RTL9: variants seen among roughly 807,000 people sequenced by gnomAD.
RTL9 encodes the protein retrotransposon Gag-like protein 9.
RTL9 carries 19 observed loss-of-function variants against 44.7 expected under a neutral mutation model. The observed-to-expected ratio is 0.42, with a 90% CI of 0.30 to 0.62. The LOEUF is 0.62. Among genes scored for constraint, RTL9 ranks in the 20% least tolerant of loss-of-function variants. The probability of loss-of-function intolerance (pLI) is 0.16; values close to 1 mark genes in which losing one functional copy is unlikely to be tolerated. For synonymous variants in RTL9, 407 were observed against 398.9 expected, an observed-to-expected ratio of 1.02 and a Z score of -0.24; for missense variants, 1,105 against 1,080.6, an observed-to-expected ratio of 1.02 and a Z score of -0.32.
At chrX:110,375,037 T>A in intron 1 of RTL9, among the ~76,000 whole-genome samples, 1 of 111,655 alleles carries the variant, frequency 9.0e-6, no homozygotes, top group Non-Finnish European at 1.9e-5. Context: ...AGGCCCCTAG[T>A]TCTCCTGTTT....
Position 110,451,657 on chromosome X carries a change from C to A in RTL9, c.1040C>A (p.Ser347Tyr), listed in dbSNP as rs746923818. 2.3e-5 allele frequency: 28 copies of A among 1,210,092 alleles called. 1 individual carries two copies. The South Asian group carries it at 4.9e-4, about 21-fold the overall frequency. The change falls in exon 1 of 2, where the codon TCC becomes TAC. Residue 347 changes from serine to tyrosine, a missense_variant. Transcript: ENST00000540313. ...CCAGCTCCAGATGCTGAAGCAATGTCCCCAGCACTAATGACGGCCCTACCC... is the reference window on the plus strand; with the variant it reads ...CCAGCTCCAGATGCTGAAGCAATGTACCCAGCACTAATGACGGCCCTACCC...
intron 1 of RTL9, among the ~76,000 whole-genome samples, chrX:110,359,774 T>C (rs1307857014): frequency 8.9e-6 from 1 of 111,753 alleles, no homozygotes; most frequent in Non-Finnish European, 1.9e-5. Context: ...AAAAGTTAAA[T>C]AGCAGCACAT....
chrX:110,427,072 C>T (rs2148327432), intron 1 of RTL9, among the ~76,000 whole-genome samples: 1 of 112,153 alleles, frequency 8.9e-6, no homozygotes, highest in South Asian at 3.8e-4. Flanking sequence ...AGTATATTTC[C>T]TAAGCATTCC....
At chrX:110,420,629 T>A (rs1439774512) in intron 1 of RTL9, among the ~76,000 whole-genome samples, 2 of 111,927 alleles carry the variant, frequency 1.8e-5, no homozygotes, top group Non-Finnish European at 3.8e-5. Context: ...CCATCTCAAA[T>A]CCTTTGCAGA....
At chrX:110,409,262 G>C in intron 1 of RTL9, among the ~76,000 whole-genome samples, 1 of 110,896 alleles carries the variant, frequency 9.0e-6, no homozygotes, top group Non-Finnish European at 1.9e-5. Context: ...AGAAACCATA[G>C]TTCAGAGTTT....
intron 1 of RTL9, among the ~76,000 whole-genome samples, chrX:110,433,311 A>G (rs1307623710): frequency 2.7e-5 from 3 of 111,768 alleles, no homozygotes; most frequent in African/African-American, 9.8e-5. Flanking sequence ...TGGGGAAACA[A>G]CTCTTAGATA....
At chrX:110,395,841 G>A (rs1451785646) in intron 1 of RTL9, among the ~76,000 whole-genome samples, 1 of 110,725 alleles carries the variant, frequency 9.0e-6, no homozygotes, top group Non-Finnish European at 1.9e-5. Context: ...CAACATGGAG[G>A]GCTCCAGGCC....
At chrX:110,397,438 T>C (rs1453220569) in intron 1 of RTL9, among the ~76,000 whole-genome samples, 1 of 109,470 alleles carries the variant, frequency 9.1e-6, no homozygotes, top group Non-Finnish European at 1.9e-5. Context: ...ACACAGGTGA[T>C]GGAAAAGCTG....
chrX:110,405,104 G>A (rs972248698), intron 1 of RTL9, among the ~76,000 whole-genome samples: 1 of 86,535 alleles, frequency 1.2e-5, no homozygotes, highest in Non-Finnish European at 2.2e-5. Flanking sequence ...CCCCCCCCAA[G>A]CATGAGTCAG....
At chrX:110,387,852 T>G (rs747981445) in intron 1 of RTL9, among the ~76,000 whole-genome samples, 7 of 99,786 alleles carry the variant, frequency 7.0e-5, no homozygotes, top group Non-Finnish European at 9.9e-5. Context: ...GTTATCTCCC[T>G]CTCTCTTTTT....
chrX:110,442,050 A>G (rs987042967), intron 1 of RTL9, among the ~76,000 whole-genome samples: 2 of 110,813 alleles, frequency 1.8e-5, no homozygotes, highest in Admixed American at 9.6e-5. Flanking sequence ...TGCCTAACCC[A>G]TGGGGTTAAA....
At chrX:110,374,398 C>G (rs776797717) in intron 1 of RTL9, among the ~76,000 whole-genome samples, 1 of 111,916 alleles carries the variant, frequency 8.9e-6, no homozygotes, top group Non-Finnish European at 1.9e-5. Context: ...TAGTATTTCT[C>G]TCAATCTGGA....
intron 1 of RTL9, among the ~76,000 whole-genome samples, chrX:110,424,582 G>T (rs2068740930): frequency 8.9e-6 from 1 of 112,170 alleles, no homozygotes; most frequent in Non-Finnish European, 1.9e-5. Context: ...GCACATATTA[G>T]ATAAGCAACC....
At position 110,386,323 on chromosome X, in the gene RTL9, AATT is replaced by A. The variant is rs1208101970; in HGVS notation, c.-168+27414_-168+27416del. Reference sequence around the variant, plus strand: ...ATTTTATTTTATTTTTATTTTATTAAATTATTATTTTTATTATATTTATTTTAT... The same window carrying A: ...ATTTTATTTTATTTTTATTTTATTAAATTATTTTTATTATATTTATTTTAT... On this transcript the variant is annotated intron_variant, in intron 1 of 2. Coordinates refer to the RTL9 transcript ENST00000520821. Among the ~76,000 whole-genome samples, 5 of 109,157 alleles carry A rather than the reference AATT, an allele frequency of 4.6e-5. No homozygotes were observed. In the South Asian group the frequency reaches 1.1e-3, roughly 25 times the overall value. 94.8% of individuals were successfully genotyped at this position (109,157 alleles called of 115,157 possible).
In RTL9 at chrX:110,441,693, G is replaced by A. The variant is rs192346417; in HGVS notation, c.-167-3460G>A. Among the ~76,000 whole-genome samples the A allele has an allele frequency of 7.1e-5, 8 of 112,037 alleles. No individual in the cohort carries two copies. The East Asian group carries it at 2.2e-3, about 31-fold the overall frequency. On this transcript the variant is annotated intron_variant, in intron 1 of 3. Transcript: ENST00000465301. ...TATTTCTAAATGGGATAAATGAATA[G>A]CCTCATGTCAATTCAGGCCCAGTTT...
At chrX:110,440,414 G>A (rs923591892) in intron 1 of RTL9, among the ~76,000 whole-genome samples, 11 of 112,074 alleles carry the variant, frequency 9.8e-5, no homozygotes, top group East Asian at 8.4e-4. Context: ...GATCTGGGTC[G>A]CTGTGGGTGT....
At chrX:110,396,966 C>T (rs1051166381) in intron 1 of RTL9, among the ~76,000 whole-genome samples, 1 of 111,604 alleles carries the variant, frequency 9.0e-6, no homozygotes, top group Admixed American at 9.5e-5. Flanking sequence ...TGGCCACACC[C>T]GTGAGTTTTT....
At chrX:110,363,049 T>C (rs1161832476) in intron 1 of RTL9, among the ~76,000 whole-genome samples, 2 of 112,020 alleles carry the variant, frequency 1.8e-5, no homozygotes. Flanking sequence ...AAGATTTATC[T>C]ATTGTTTTTT....
intron 1 of RTL9, among the ~76,000 whole-genome samples, chrX:110,382,754 C>T (rs1048632712): frequency 2.7e-5 from 3 of 111,820 alleles, no homozygotes; most frequent in Admixed American, 9.5e-5. Flanking sequence ...GAAGGGTTGC[C>T]TGAATCAAAG....
Sources: gnomAD v4.1 joint callset for allele counts (sites outside exome capture counted in the v4.1 genomes callset) on GRCh38, gnomAD v4.1.1 for gene constraint, MANE v1.5 for transcripts, NCBI Gene and HGNC (gene_info 2026-07-23, HGNC 2026-07-21) for gene names.